Variants in CRB1 observed in about 807,000 individuals in gnomAD.
CRB1 encodes crumbs cell polarity complex component 1.
CRB1 carries 83 observed loss-of-function variants against 120.0 expected under a neutral mutation model. The observed-to-expected ratio is 0.69, with a 90% confidence interval of 0.58 to 0.83. The LOEUF is 0.83. Ranked by LOEUF, CRB1 falls within the 40% of genes least tolerant of loss-of-function variation. CRB1 has a pLI of 0.00. For missense variants in CRB1, 1,699 were observed against 1,687.6 expected (o/e 1.01, Z -0.12); for synonymous variants, 625 against 612.5 (o/e 1.02, Z -0.30).
intron 4 of CRB1, among the ~76,000 whole-genome samples, chr1:197,349,100 T>C (rs1342979299): frequency 6.6e-6 from 1 of 152,214 alleles, no homozygotes; most frequent in Non-Finnish European, 1.5e-5. Context: ...AAAAATCTTT[T>C]ATACTGTGTT....
intron 5 of CRB1, among the ~76,000 whole-genome samples, chr1:197,364,536 C>T (rs1412182124): frequency 6.6e-6 from 1 of 152,094 alleles, no homozygotes; most frequent in African/African-American, 2.4e-5. Context: ...GGGTCTTTTG[C>T]TATGCTTCCA....
chr1:197,215,268 G>A, the CRB1 span, among the ~76,000 whole-genome samples: 1 of 141,412 alleles, frequency 7.1e-6, no homozygotes, highest in African/African-American at 2.5e-5. Context: ...GAGGGAGCCA[G>A]TGGGAGATTT....
intron 1 of CRB1, among the ~76,000 whole-genome samples, chr1:197,327,075 CTTAA>C (rs961122868): frequency 5.6e-5 from 7 of 124,100 alleles, no homozygotes; most frequent in Admixed American, 1.9e-4. Flanking sequence ...AATTTAGTGA[CTTAA>C]TTCTCACACA....
intron 2 of CRB1, among the ~76,000 whole-genome samples, chr1:197,343,342 A>G (rs1659578707): frequency 6.6e-6 from 1 of 152,168 alleles, no homozygotes. Flanking sequence ...CTGTATGCAA[A>G]TGCAATTATT....
chr1:197,364,843 T>G (rs1660975757), intron 5 of CRB1, among the ~76,000 whole-genome samples: 1 of 152,246 alleles, frequency 6.6e-6, no homozygotes, highest in Admixed American at 6.5e-5. Flanking sequence ...TTTAAAATTC[T>G]TGTTAGATAA....
intron 1 of CRB1, among the ~76,000 whole-genome samples, chr1:197,269,245 A>G (rs1035631952): frequency 6.6e-6 from 1 of 152,202 alleles, no homozygotes; most frequent in Non-Finnish European, 1.5e-5. Flanking sequence ...TGTCTGTTGA[A>G]TCTGAATATC....
At chr1:197,311,845 T>G (rs1392240482) in intron 1 of CRB1, among the ~76,000 whole-genome samples, 2 of 152,066 alleles carry the variant, frequency 1.3e-5, no homozygotes, top group Non-Finnish European at 2.9e-5. Context: ...CAATTACCAG[T>G]GCTTATCTGT....
At chr1:197,441,153 A>G (rs971853683) in intron 10 of CRB1, 2 of 152,202 alleles carry the variant, frequency 1.3e-5, no homozygotes, top group African/African-American at 2.4e-5. Flanking sequence ...AAAATTAAAA[A>G]TTGTTTACAT....
intron 11 of CRB1, among the ~76,000 whole-genome samples, chr1:197,462,790 A>C (rs1222703675): frequency 1.3e-5 from 2 of 152,176 alleles, no homozygotes; most frequent in African/African-American, 4.8e-5. Context: ...AATACATGGA[A>C]ACTTGTTAAC....
At chr1:197,428,521 A>G (rs1664712314) in intron 7 of CRB1, among the ~76,000 whole-genome samples, 3 of 152,222 alleles carry the variant, frequency 2.0e-5, no homozygotes. Flanking sequence ...GTGCTCTTCT[A>G]AGAGCTGCTT....
At chr1:197,268,520 T>C (rs767925991) in intron 1 of CRB1, 38 bp downstream of exon 1, 10 of 1,387,406 alleles carry the variant, frequency 7.2e-6, no homozygotes, top group Non-Finnish European at 1.0e-6. Context: ...TCCTGGTTTA[T>C]TTCTGGCTTA....
At chr1:197,428,520 T>A (rs1216326683) in intron 7 of CRB1, among the ~76,000 whole-genome samples, 1 of 152,234 alleles carries the variant, frequency 6.6e-6, no homozygotes, top group Non-Finnish European at 1.5e-5. Context: ...TGTGCTCTTC[T>A]AAGAGCTGCT....
intron 5 of CRB1, among the ~76,000 whole-genome samples, chr1:197,363,135 G>GT (rs34995320): frequency 0.042 from 6,162 of 146,068 alleles, 347 homozygotes; most frequent in African/African-American, 0.12. Context: ...TTCTATTTAG[G>GT]TTTTTTTTTT....
At chr1:197,412,352 C>T (rs185814475) in intron 5 of CRB1, among the ~76,000 whole-genome samples, 2 of 152,300 alleles carry the variant, frequency 1.3e-5, no homozygotes, top group Admixed American at 1.3e-4. Context: ...ATTTGGTTCA[C>T]ACAAAAATAA....
At chr1:197,343,081 A>G (rs2125326384) in intron 2 of CRB1, among the ~76,000 whole-genome samples, 1 of 152,326 alleles carries the variant, frequency 6.6e-6, no homozygotes, top group East Asian at 1.9e-4. Flanking sequence ...CAAATTTAAT[A>G]TGCTAGCTTC....
At chr1:197,232,870 A>T in the CRB1 span, among the ~76,000 whole-genome samples, 121 of 152,240 alleles carry the variant, frequency 7.9e-4, no homozygotes, top group African/African-American at 2.9e-3. Context: ...GAGAACCAAG[A>T]ATCTCATCAC....
intron 4 of CRB1, among the ~76,000 whole-genome samples, chr1:197,348,912 CAG>C (rs1209541847): frequency 7.1e-6 from 1 of 140,424 alleles, no homozygotes; most frequent in African/African-American, 3.1e-5. Flanking sequence ...GTTTTTAAGA[CAG>C]AAAATTTTCT....
At chr1:197,316,372 T>G (rs893691528) in intron 1 of CRB1, among the ~76,000 whole-genome samples, 7 of 141,914 alleles carry the variant, frequency 4.9e-5, no homozygotes, top group African/African-American at 1.8e-4. Context: ...TTTTAGTAGA[T>G]ACGGGGTTTC....
chr1:197,413,612 A>G (rs1663816216), intron 5 of CRB1, among the ~76,000 whole-genome samples: 1 of 152,206 alleles, frequency 6.6e-6, no homozygotes, highest in Non-Finnish European at 1.5e-5. Flanking sequence ...GATTTCCCAA[A>G]ATTCATTTCT....
Sources: gnomAD v4.1 joint callset for allele counts (sites outside exome capture counted in the v4.1 genomes callset) on GRCh38, gnomAD v4.1.1 for gene constraint, MANE v1.5 for transcripts, NCBI Gene and HGNC (gene_info 2026-07-23, HGNC 2026-07-21) for gene names.